The following TMEM178B variants were observed in gnomAD, a reference collection of about 807,000 sequenced individuals.
TMEM178B encodes the protein transmembrane protein 178B.
Under a neutral mutation model 31.0 loss-of-function variants are expected in TMEM178B, and 5 were observed. The observed-to-expected ratio is 0.16, with a 90% confidence interval of 0.08 to 0.34. The LOEUF is 0.34. Ranked by LOEUF, TMEM178B falls within the 10% of genes least tolerant of loss-of-function variation. TMEM178B has a pLI of 1.00. For missense variants in TMEM178B, 275 were observed against 400.3 expected (o/e 0.69, Z 2.67); for synonymous variants, 164 against 164.0 (o/e 1.00, Z 0.00).
chr7:141,211,628 G>A (rs528565336), intron 1 of TMEM178B, among the ~76,000 whole-genome samples: 18 of 152,186 alleles, frequency 1.2e-4, no homozygotes, highest in African/African-American at 3.6e-4. Flanking sequence ...ATGAGCAAGC[G>A]TCAATAGATA....
chr7:141,508,420 G>A, the TMEM178B span, among the ~76,000 whole-genome samples: 2 of 152,158 alleles, frequency 1.3e-5, no homozygotes, highest in Non-Finnish European at 2.9e-5. Context: ...ACATTTTCCT[G>A]TCTTCCTCTG....
chr7:141,212,525 T>A (rs1797066803), intron 1 of TMEM178B, 66 bp from the exon 2 acceptor site: 1 of 1,349,868 alleles, frequency 7.4e-7, no homozygotes, highest in Non-Finnish European at 1.0e-6. Flanking sequence ...GAAAAATTAA[T>A]CCCAGAACTA....
At chr7:141,090,464 C>T (rs1470278450) in intron 1 of TMEM178B, among the ~76,000 whole-genome samples, 1 of 152,240 alleles carries the variant, frequency 6.6e-6, no homozygotes, top group Non-Finnish European at 1.5e-5. Flanking sequence ...GATGAAGCCT[C>T]TCTCTCAAAC....
At chr7:141,151,948 G>A (rs888468026) in intron 1 of TMEM178B, among the ~76,000 whole-genome samples, 9 of 152,138 alleles carry the variant, frequency 5.9e-5, no homozygotes, top group South Asian at 2.1e-4. Flanking sequence ...GACACGTGAC[G>A]TCACAGCCAT....
chr7:141,230,710 C>T (rs918315246), intron 2 of TMEM178B, among the ~76,000 whole-genome samples: 3 of 152,324 alleles, frequency 2.0e-5, no homozygotes, highest in South Asian at 2.1e-4. Flanking sequence ...AGTCATGGCT[C>T]ACTGCAGTCT....
At chr7:141,337,479 C>G (rs1563155535) in intron 2 of TMEM178B, among the ~76,000 whole-genome samples, 1 of 151,908 alleles carries the variant, frequency 6.6e-6, no homozygotes, top group African/African-American at 2.4e-5. Context: ...AGGTAATTGT[C>G]AAAAAAACTC....
chr7:141,379,745 C>T (rs919093842), intron 2 of TMEM178B, among the ~76,000 whole-genome samples: 6 of 152,142 alleles, frequency 3.9e-5, no homozygotes, highest in Admixed American at 6.5e-5. Context: ...ACCTTATATC[C>T]GTTTTCCTTC....
chr7:141,161,775 CAGTG>C (rs1390194233), intron 1 of TMEM178B, among the ~76,000 whole-genome samples: 1 of 151,388 alleles, frequency 6.6e-6, no homozygotes, highest in East Asian at 1.9e-4. Flanking sequence ...GTGTGTGTGA[CAGTG>C]TGTGTGTTTG....
intron 2 of TMEM178B, among the ~76,000 whole-genome samples, chr7:141,216,460 CGCGT>C (rs1447997323): frequency 2.1e-5 from 2 of 93,512 alleles, no homozygotes; most frequent in African/African-American, 7.0e-5. Flanking sequence ...CGCGCGCGCG[CGCGT>C]GTGTGTGTGT....
At chr7:141,290,964 G>A (rs1338801732) in intron 2 of TMEM178B, among the ~76,000 whole-genome samples, 1 of 152,182 alleles carries the variant, frequency 6.6e-6, no homozygotes, top group East Asian at 1.9e-4. Context: ...CCTACCCATC[G>A]CTGGCTGGCT....
intron 2 of TMEM178B, chr7:141,430,288 A>T (rs1478755336): frequency 6.6e-6 from 1 of 152,226 alleles, no homozygotes; most frequent in Non-Finnish European, 1.5e-5. Flanking sequence ...TCAGCACCTT[A>T]TGTGCTCATG....
intron 1 of TMEM178B, among the ~76,000 whole-genome samples, chr7:141,116,395 A>G (rs1690567228): frequency 6.6e-6 from 1 of 152,226 alleles, no homozygotes; most frequent in South Asian, 2.1e-4. Flanking sequence ...GCATATCCTG[A>G]GACCAAGAGG....
chr7:141,088,274 T>C (rs1285984304), intron 1 of TMEM178B, among the ~76,000 whole-genome samples: 1 of 152,040 alleles, frequency 6.6e-6, no homozygotes, highest in African/African-American at 2.4e-5. Flanking sequence ...CTTTCTTTCC[T>C]TCCTCGTGTG....
chr7:141,418,586 G>A (rs1801142726), intron 2 of TMEM178B, among the ~76,000 whole-genome samples: 3 of 152,122 alleles, frequency 2.0e-5, no homozygotes, highest in Admixed American at 2.0e-4. Flanking sequence ...TGCTAGGTTT[G>A]CCCTACACTT....
chr7:141,121,212 G>A (rs1401847497), intron 1 of TMEM178B, among the ~76,000 whole-genome samples: 1 of 152,046 alleles, frequency 6.6e-6, no homozygotes, highest in African/African-American at 2.4e-5. Context: ...TTATGATGAT[G>A]TTTAATTATT....
chr7:141,113,555 C>A (rs1795269546), intron 1 of TMEM178B, among the ~76,000 whole-genome samples: 1 of 152,140 alleles, frequency 6.6e-6, no homozygotes, highest in Non-Finnish European at 1.5e-5. Context: ...GAATGACCAC[C>A]CACCTCAACA....
chr7:141,420,192 GCCCCCCCCCACTA>G (rs1801178295), intron 2 of TMEM178B, among the ~76,000 whole-genome samples: 1 of 150,134 alleles, frequency 6.7e-6, no homozygotes, highest in African/African-American at 2.5e-5. Flanking sequence ...ATTTATCACT[GCCCCCCCCCACTA>G]CATACACATA....
Position 141,152,296 on chromosome 7 carries a change from T to C in TMEM178B, c.383-60295T>C, listed in dbSNP as rs187115864. 1.1e-3 allele frequency among the ~76,000 whole-genome samples: 175 copies of C among 152,184 alleles called. 1 individual carries two copies. Among genetic ancestry groups the C allele is most frequent in the African/African-American group, 3.9e-3 (163 of 41,522 alleles). On this transcript the variant is annotated intron_variant, in intron 1 of 3. Coordinates refer to ENST00000565468, the MANE Select transcript of TMEM178B (RefSeq NM_001195278.2). ...TTTTCGGCCTCCAGCCCAGCGTGGG[T>C]TGCTCTCTGCAGGGAGGCCCTTCTT... is the stretch of plus-strand genomic sequence containing the variant.
chr7:141,112,894 C>T (rs1795257294), intron 1 of TMEM178B, among the ~76,000 whole-genome samples: 1 of 152,194 alleles, frequency 6.6e-6, no homozygotes, highest in Non-Finnish European at 1.5e-5. Context: ...ATTTATCTTA[C>T]TCCTCTAGCC....
Sources: gnomAD v4.1 joint callset for allele counts (sites outside exome capture counted in the v4.1 genomes callset) on GRCh38, gnomAD v4.1.1 for gene constraint, MANE v1.5 for transcripts, NCBI Gene and HGNC (gene_info 2026-07-23, HGNC 2026-07-21) for gene names.